The following HACL1 variants were observed in gnomAD, a reference collection of about 807,000 sequenced individuals.
The protein encoded by HACL1 is 2-hydroxyacyl-CoA lyase 1, also known as 1600020H07Rik.
HACL1 carries 64 observed loss-of-function variants against 74.2 expected under a neutral mutation model. That is an observed-to-expected ratio of 0.86 (90% CI 0.70 to 1.06). HACL1 has a LOEUF of 1.06. Among genes scored for constraint, HACL1 ranks in the 50% least tolerant of loss-of-function variants. The pLI, the probability that HACL1 is intolerant of heterozygous loss-of-function variation, is 0.00. For synonymous variants in HACL1, 230 were observed against 238.8 expected (o/e 0.96, Z 0.34); for missense variants, 728 against 719.7 (o/e 1.01, Z -0.13).
chr3:15,576,464 T>C (rs1212391659), intron 9 of HACL1, among the ~76,000 whole-genome samples: 1 of 152,176 alleles, frequency 6.6e-6, no homozygotes, highest in Non-Finnish European at 1.5e-5. Context: ...CTTTTGTCAA[T>C]ATAACTTCTA....
chr3:15,566,767 A>G (rs1181019936), intron 14 of HACL1, among the ~76,000 whole-genome samples: 1 of 145,976 alleles, frequency 6.9e-6, no homozygotes, highest in African/African-American at 2.6e-5. Flanking sequence ...TGCCTAAAGG[A>G]TACTATTCCT....
rs777093289 is a variant in HACL1, at chr3:15,601,117, C to T, written c.159G>A (p.Lys53=). The change falls in exon 2 of 17, where the codon AAG becomes AAA. Residue 53 remains lysine (K), a synonymous_variant. Transcript: ENST00000321169. ...CTTGCTCATTCCTCATCCCGATGTACTTGATGCCTAGCTGCTGGGCAGCAA... is the reference window on the plus strand; with the variant it reads ...CTTGCTCATTCCTCATCCCGATGTATTTGATGCCTAGCTGCTGGGCAGCAA... ...IAIAAQQLGI[K]YIGMRNEQAA... is the part of the protein sequence containing the mutation. 1.2e-6 allele frequency: 2 copies of T among 1,613,424 alleles called. No individual in the cohort carries two copies. Among genetic ancestry groups the T allele is most frequent in the Admixed American group, 1.7e-5 (1 of 60,028 alleles).
In HACL1 at chr3:15,573,254, A is replaced by T. The variant is rs1446221585; in HGVS notation, c.910-12T>A. The T allele has an allele frequency of 6.5e-7, 1 of 1,535,580 alleles. No homozygotes were observed. The highest frequency in any genetic ancestry group is 2.3e-5 in the East Asian group (1 of 44,408). On this transcript the variant is annotated splice_polypyrimidine_tract_variant and intron_variant, in intron 10 of 16. Transcript: ENST00000321169. ...GCACAGATATCAACCTAAAAAAGAGACAAGGCTAAAGAACAACCCATGTTT... is the reference window on the plus strand; with the variant it reads ...GCACAGATATCAACCTAAAAAAGAGTCAAGGCTAAAGAACAACCCATGTTT...
At position 15,571,693 on chromosome 3, in the gene HACL1, A is replaced by G. The variant is rs1327809952; in HGVS notation, c.1070T>C (p.Met357Thr). Reference protein sequence around the residue: ...SKWWKTLREKMKSNEAASKEL... With the variant: ...SKWWKTLREKTKSNEAASKEL... Reference sequence around the variant, plus strand: ...CTTGGATGCAGCTTCATTGCTCTTCATTTTTTCTCTCAGAGTTTTCCACCA... The same window carrying G: ...CTTGGATGCAGCTTCATTGCTCTTCGTTTTTTCTCTCAGAGTTTTCCACCA... The change falls in exon 12 of 17, where the codon ATG (methionine) becomes ACG (threonine). Residue 357 changes from methionine to threonine, a missense_variant. By Grantham distance (81) the Met-to-Thr change is moderately conservative (BLOSUM62 -1). Transcript: ENST00000321169. 2.6e-6 allele frequency: 4 copies of G among 1,511,094 alleles called. No individual in the cohort carries two copies. Among genetic ancestry groups the G allele is most frequent in the Non-Finnish European group, 3.7e-6 (4 of 1,089,216 alleles). 93.6% of individuals were successfully genotyped at this position (1,511,094 alleles called of 1,614,324 possible).
intron 16 of HACL1, among the ~76,000 whole-genome samples, chr3:15,561,963 A>G (rs1370162889): frequency 2.0e-5 from 3 of 152,242 alleles, no homozygotes; most frequent in Non-Finnish European, 2.9e-5. Context: ...TACCGTGCCC[A>G]GCCATCAAGA....
rs2064232249 is a variant in HACL1, at chr3:15,601,378, C to T, written c.81+5G>A. 1.2e-6 allele frequency: 2 copies of T among 1,614,026 alleles called. No individual in the cohort carries two copies. The highest frequency in any genetic ancestry group is 1.1e-5 in the South Asian group (1 of 91,096). ...AGCCTTTCATTCCAGGAAGGTCCATCGTACTTGCGTTTTCAGGGCCTGAGC... is the reference window on the plus strand; with the variant it reads ...AGCCTTTCATTCCAGGAAGGTCCATTGTACTTGCGTTTTCAGGGCCTGAGC... On this transcript the variant is annotated splice_donor_5th_base_variant and intron_variant, in intron 1 of 16. Transcript: ENST00000321169.
chr3:15,577,395 C>A lies in HACL1; in HGVS notation c.804-2313G>T, dbSNP rs2063645573. Among the ~76,000 whole-genome samples the A allele has an allele frequency of 2.0e-5, 3 of 151,138 alleles. No homozygotes were observed. In the South Asian group the frequency reaches 6.2e-4, roughly 31 times the overall value. ...AATATGAAGAACACCAAACACATGA[C>A]AGTAATAAACTACAGAAAGGGAAGC... On this transcript the variant is annotated intron_variant, in intron 9 of 16. Coordinates refer to ENST00000321169, the MANE Select transcript of HACL1 (RefSeq NM_012260.4).
At chr3:15,560,961 T>C in intron 16 of HACL1, 64 bp from the exon 17 acceptor site, 3 of 1,198,086 alleles carry the variant, frequency 2.5e-6, no homozygotes, top group South Asian at 1.2e-5. Flanking sequence ...ATATCCTCAT[T>C]GTTTCACTTG....
rs539751015 is a variant in HACL1 at position 15,593,005 on chromosome 3, C to T, written c.228-1325G>A. ...GTATACACATGTACGCACATGTGTGCGTGTATACACATGTACGCATATGTA... is the reference window on the plus strand; with the variant it reads ...GTATACACATGTACGCACATGTGTGTGTGTATACACATGTACGCATATGTA... On this transcript the variant is annotated intron_variant, in intron 3 of 16. Coordinates refer to ENST00000321169, the MANE Select transcript of HACL1 (RefSeq NM_012260.4). Among the ~76,000 whole-genome samples the T allele has an allele frequency of 8.4e-4, 49 of 58,038 alleles. 9 individuals are homozygous for T. The highest frequency in any genetic ancestry group is 1.7e-3 in the Non-Finnish European group (35 of 20,794). 38.1% of individuals were successfully genotyped at this position (58,038 alleles called of 152,430 possible).
At chr3:15,587,963 G>C (rs147653925) in intron 5 of HACL1, among the ~76,000 whole-genome samples, 2 of 151,470 alleles carry the variant, frequency 1.3e-5, no homozygotes, top group South Asian at 4.2e-4. Context: ...GTACGATCTC[G>C]GCTCACTGTA....
chr3:15,578,878 A>C (rs2063671814), intron 9 of HACL1, among the ~76,000 whole-genome samples: 1 of 152,188 alleles, frequency 6.6e-6, no homozygotes, highest in Non-Finnish European at 1.5e-5. Context: ...GAGCCAGGAA[A>C]AGGGGCAACT....
At chr3:15,589,371 C>A (rs2063851555) in intron 5 of HACL1, among the ~76,000 whole-genome samples, 169 bp downstream of exon 5, 1 of 151,960 alleles carries the variant, frequency 6.6e-6, no homozygotes, top group Admixed American at 6.6e-5. Context: ...GTGGTGTGAA[C>A]CTGTAGTCCC....
intron 9 of HACL1, among the ~76,000 whole-genome samples, chr3:15,578,735 C>A (rs992317851): frequency 6.6e-6 from 1 of 152,148 alleles, no homozygotes; most frequent in Non-Finnish European, 1.5e-5. Context: ...GAAACGTCAT[C>A]TTTGAGGCAA....
rs757711833 is a variant in HACL1 at position 15,601,561 on chromosome 3, T to C, written c.-98A>G. Reference sequence around the variant, plus strand: ...ATCGGCAGCACGCCACCTCTGGTACTGCACCTCTGACGGACAGGAGGGCAA... The same window carrying C: ...ATCGGCAGCACGCCACCTCTGGTACCGCACCTCTGACGGACAGGAGGGCAA... On this transcript the variant is annotated 5_prime_UTR_variant, in exon 1 of 17. Transcript: ENST00000321169. The C allele has an allele frequency of 6.2e-6, 10 of 1,602,250 alleles. No homozygotes were observed. Among genetic ancestry groups the C allele is most frequent in the Middle Eastern group, 3.3e-4 (2 of 6,060 alleles).
chr3:15,566,815 CTTT>C (rs1156234795), intron 14 of HACL1, among the ~76,000 whole-genome samples: 6 of 92,462 alleles, frequency 6.5e-5, no homozygotes, highest in African/African-American at 1.3e-4. Context: ...GGTTAAGTGA[CTTT>C]TTTTTTTTTT....
chr3:15,591,232 C>T (rs548821688), intron 4 of HACL1, among the ~76,000 whole-genome samples: 3 of 152,178 alleles, frequency 2.0e-5, no homozygotes, highest in African/African-American at 7.2e-5. Context: ...AGCAAATTAA[C>T]ATATTCATGT....
At chr3:15,598,187 G>C (rs1394008598) in intron 2 of HACL1, among the ~76,000 whole-genome samples, 1 of 152,016 alleles carries the variant, frequency 6.6e-6, no homozygotes, top group Non-Finnish European at 1.5e-5. Context: ...ACCACGCCTG[G>C]CTAATTTTAT....
chr3:15,588,733 A>T (rs996068410), intron 5 of HACL1, among the ~76,000 whole-genome samples: 4 of 151,392 alleles, frequency 2.6e-5, no homozygotes, highest in African/African-American at 9.7e-5. Flanking sequence ...GAATACAGTT[A>T]CGAACCACGT....
At chr3:15,582,760 A>G in intron 8 of HACL1, 117 bp downstream of exon 8, 2 of 581,232 alleles carry the variant, frequency 3.4e-6, no homozygotes, top group Non-Finnish European at 6.2e-6. Context: ...AAATGGATGA[A>G]GAGAATTCTT....
Sources: gnomAD v4.1 joint callset for allele counts (sites outside exome capture counted in the v4.1 genomes callset) on GRCh38, gnomAD v4.1.1 for gene constraint, MANE v1.5 for transcripts, NCBI Gene and HGNC (gene_info 2026-07-23, HGNC 2026-07-21) for gene names.